The following GALNTL6 variants were observed in gnomAD, a reference collection of about 807,000 sequenced individuals.
The protein encoded by GALNTL6 is polypeptide N-acetylgalactosaminyltransferase-like 6.
A neutral mutation model predicts 73.7 loss-of-function variants in GALNTL6; 46 were observed. The ratio of observed to expected loss-of-function variants is 0.62; its 90% CI spans 0.49 to 0.80. The LOEUF (loss-of-function observed/expected upper bound fraction) is 0.80, where lower values mean the gene tolerates loss of function less well. GALNTL6 is among the 30% of genes least tolerant of loss of function. The pLI is 0.00. For synonymous variants in GALNTL6, 259 were observed against 263.7 expected, an observed-to-expected ratio of 0.98 and a Z score of 0.17; for missense variants, 604 against 755.0, an observed-to-expected ratio of 0.80 and a Z score of 2.34.
At chr4:171,882,536 A>T (rs1199364772) in intron 2 of GALNTL6, among the ~76,000 whole-genome samples, 1 of 152,230 alleles carries the variant, frequency 6.6e-6, no homozygotes, top group Non-Finnish European at 1.5e-5. Flanking sequence ...CTAAGTAGGG[A>T]AGCCAAGAGT....
intron 5 of GALNTL6, chr4:172,380,342 C>T: frequency 2.8e-6 from 2 of 713,216 alleles, no homozygotes; most frequent in South Asian, 1.4e-5. Context: ...AAAAGTCCCT[C>T]CCTCACAGTG....
rs550339667 is a variant in GALNTL6 at position 172,027,948 on chromosome 4, A to G, written c.139-201708A>G. ...GATTGGTTCATTAAATTTAAGGAATAAGCCATCTCCCTAACAGAAAAGTGC... is the reference window on the plus strand; with the variant it reads ...GATTGGTTCATTAAATTTAAGGAATGAGCCATCTCCCTAACAGAAAAGTGC... On this transcript the variant is annotated intron_variant, in intron 2 of 12. Coordinates refer to ENST00000506823, the MANE Select transcript of GALNTL6 (RefSeq NM_001034845.3). Among the ~76,000 whole-genome samples the G allele has an allele frequency of 3.3e-5, 5 of 152,260 alleles. No individual in the cohort carries two copies. The East Asian group carries it at 9.7e-4, about 29-fold the overall frequency.
chr4:172,742,580 G>T lies in GALNTL6; in HGVS notation c.554-66781G>T, dbSNP rs145003566. ...AGTTACAGGGATAGGTAAGGAAAAA[G>T]TTGGCAAGCAGGTAATGAGAAGGGC... is the stretch of plus-strand genomic sequence containing the variant. On this transcript the variant is annotated intron_variant, in intron 5 of 12. Transcript: ENST00000506823. Among the ~76,000 whole-genome samples, 106 of 152,132 alleles carry T rather than the reference G, an allele frequency of 7.0e-4. 2 individuals carry two copies. The East Asian group carries it at 0.016, about 23-fold the overall frequency.
At chr4:172,952,789 T>C (rs2126348992) in intron 10 of GALNTL6, among the ~76,000 whole-genome samples, 1 of 152,354 alleles carries the variant, frequency 6.6e-6, no homozygotes, top group Middle Eastern at 3.4e-3. Flanking sequence ...GTTTTGGGAT[T>C]ACAGGCATGA....
intron 5 of GALNTL6, among the ~76,000 whole-genome samples, chr4:172,623,061 G>C (rs1205673216): frequency 6.6e-6 from 1 of 152,046 alleles, no homozygotes; most frequent in East Asian, 1.9e-4. Context: ...AATTAAAAAG[G>C]ATACAATAAG....
At chr4:171,845,682 G>T (rs144291505) in intron 2 of GALNTL6, among the ~76,000 whole-genome samples, 2 of 152,234 alleles carry the variant, frequency 1.3e-5, no homozygotes, top group East Asian at 1.9e-4. Context: ...GGATGGTAAA[G>T]ACACAAGATG....
rs906894360 is a variant in GALNTL6, at chr4:172,164,806, G to C, written c.139-64850G>C. Among the ~76,000 whole-genome samples, 6 of 152,146 alleles carry C rather than the reference G, an allele frequency of 3.9e-5. No individual in the cohort carries two copies. The East Asian group carries it at 1.2e-3, about 29-fold the overall frequency. ...GTGTAGTTGTTCTGTAAACCGTAGAGTGTTATGTAAATGTTTGCTATATTA... is the reference window on the plus strand; with the variant it reads ...GTGTAGTTGTTCTGTAAACCGTAGACTGTTATGTAAATGTTTGCTATATTA... On this transcript the variant is annotated intron_variant, in intron 2 of 12. Coordinates refer to ENST00000506823, the MANE Select transcript of GALNTL6 (RefSeq NM_001034845.3).
chr4:171,983,969 G>A (rs1739991183), intron 2 of GALNTL6, among the ~76,000 whole-genome samples: 1 of 152,158 alleles, frequency 6.6e-6, no homozygotes, highest in Admixed American at 6.5e-5. Context: ...CACATACTGG[G>A]AGGGTTGGAC....
intron 7 of GALNTL6, among the ~76,000 whole-genome samples, chr4:172,828,640 A>T (rs1742414291): frequency 6.6e-6 from 1 of 152,258 alleles, no homozygotes; most frequent in South Asian, 2.1e-4. Flanking sequence ...TAATCAAATT[A>T]TCCTCATCCA....
intron 5 of GALNTL6, among the ~76,000 whole-genome samples, chr4:172,351,783 G>A (rs1266276212): frequency 6.6e-6 from 1 of 151,836 alleles, no homozygotes; most frequent in Non-Finnish European, 1.5e-5. Context: ...TTTTTTGTTT[G>A]TTTTACACTT....
At chr4:172,134,821 C>G (rs1261498784) in intron 2 of GALNTL6, among the ~76,000 whole-genome samples, 1 of 152,142 alleles carries the variant, frequency 6.6e-6, no homozygotes, top group African/African-American at 2.4e-5. Flanking sequence ...ATTAAATAAA[C>G]AAAGATTTCT....
At chr4:172,769,223 G>A (rs1738617875) in intron 5 of GALNTL6, among the ~76,000 whole-genome samples, 1 of 152,078 alleles carries the variant, frequency 6.6e-6, no homozygotes, top group South Asian at 2.1e-4. Context: ...TCAAGGCAGT[G>A]ATTCAGAGAC....
At chr4:171,869,316 C>T (rs547409707) in intron 2 of GALNTL6, among the ~76,000 whole-genome samples, 27 of 152,254 alleles carry the variant, frequency 1.8e-4, no homozygotes, top group Admixed American at 4.6e-4. Flanking sequence ...AATTGAGGAG[C>T]TAAACAAAAT....
At chr4:171,885,291 C>A (rs1233010735) in intron 2 of GALNTL6, among the ~76,000 whole-genome samples, 1 of 151,942 alleles carries the variant, frequency 6.6e-6, no homozygotes, top group Non-Finnish European at 1.5e-5. Context: ...TGTCATTTGC[C>A]CTTCACTAGT....
chr4:172,788,254 A>G (rs1739775178), intron 5 of GALNTL6, among the ~76,000 whole-genome samples: 1 of 152,182 alleles, frequency 6.6e-6, no homozygotes, highest in Admixed American at 6.5e-5. Flanking sequence ...AGTCCTAGCT[A>G]CCTGGAAGGC....
At chr4:172,296,973 C>T (rs1368078073) in intron 3 of GALNTL6, among the ~76,000 whole-genome samples, 1 of 152,100 alleles carries the variant, frequency 6.6e-6, no homozygotes, top group African/African-American at 2.4e-5. Context: ...GTTTACAGTC[C>T]CACCAACAGC....
intron 4 of GALNTL6, among the ~76,000 whole-genome samples, chr4:172,342,439 C>A (rs920133565): frequency 6.6e-6 from 1 of 152,156 alleles, no homozygotes; most frequent in African/African-American, 2.4e-5. Flanking sequence ...AGTTCAGGAA[C>A]AGTGCCTCAT....
intron 2 of GALNTL6, among the ~76,000 whole-genome samples, chr4:172,083,297 A>T (rs1156444094): frequency 6.6e-6 from 1 of 152,188 alleles, no homozygotes; most frequent in African/African-American, 2.4e-5. Flanking sequence ...CAAGAGACTG[A>T]TCCTTTTTAT....
intron 5 of GALNTL6, among the ~76,000 whole-genome samples, chr4:172,652,705 G>A (rs1439814238): frequency 7.9e-5 from 12 of 152,100 alleles, no homozygotes; most frequent in Admixed American, 7.9e-4. Flanking sequence ...GGTAAATATT[G>A]TCTCCTACTT....
Sources: gnomAD v4.1 joint callset for allele counts (sites outside exome capture counted in the v4.1 genomes callset) on GRCh38, gnomAD v4.1.1 for gene constraint, MANE v1.5 for transcripts, NCBI Gene and HGNC (gene_info 2026-07-23, HGNC 2026-07-21) for gene names.